The following ATRNL1 variants were observed in gnomAD, a reference collection of about 807,000 sequenced individuals.
ATRNL1 encodes attractin-like protein 1.
In ATRNL1, 95 loss-of-function variants were observed where a neutral mutation model predicts 182.7. The observed-to-expected ratio is 0.52, with a 90% CI of 0.44 to 0.62. The LOEUF is 0.62. ATRNL1 is among the 20% of genes least tolerant of loss of function. ATRNL1 has a pLI of 0.00. For synonymous variants in ATRNL1, 576 were observed against 568.3 expected (o/e 1.01, Z -0.19); for missense variants, 1,471 against 1,679.5 (o/e 0.88, Z 2.17).
At chr10:115,854,400 G>A (rs150645881) in intron 28 of ATRNL1, among the ~76,000 whole-genome samples, 49 of 152,214 alleles carry the variant, frequency 3.2e-4, no homozygotes, top group African/African-American at 7.2e-4. Context: ...ACTTAGTGGC[G>A]ATGGCTATAG....
chr10:115,791,063 T>C (rs1283050158), intron 27 of ATRNL1, among the ~76,000 whole-genome samples: 1 of 152,196 alleles, frequency 6.6e-6, no homozygotes, highest in Non-Finnish European at 1.5e-5. Context: ...GAATATATTA[T>C]ACATGTTCCT....
intron 10 of ATRNL1, among the ~76,000 whole-genome samples, chr10:115,263,075 T>C (rs1851458885): frequency 6.6e-6 from 1 of 151,984 alleles, no homozygotes; most frequent in East Asian, 1.9e-4. Context: ...GAAAAAAATC[T>C]TTAAAAAGGC....
At chr10:115,256,702 C>A (rs1209867601) in intron 10 of ATRNL1, among the ~76,000 whole-genome samples, 3 of 152,144 alleles carry the variant, frequency 2.0e-5, no homozygotes, top group East Asian at 3.9e-4. Context: ...TTTGCTCTTG[C>A]TTCTCTAGTT....
At chr10:115,508,186 T>A (rs1370151344) in intron 24 of ATRNL1, among the ~76,000 whole-genome samples, 1 of 152,070 alleles carries the variant, frequency 6.6e-6, no homozygotes, top group East Asian at 1.9e-4. Flanking sequence ...ATGTTACTTT[T>A]GTAATTGTTT....
chr10:115,222,644 G>A (rs1310579928), intron 9 of ATRNL1, among the ~76,000 whole-genome samples: 1 of 152,104 alleles, frequency 6.6e-6, no homozygotes, highest in Non-Finnish European at 1.5e-5. Flanking sequence ...CAGAATACAT[G>A]TTTTCAAATA....
intron 10 of ATRNL1, among the ~76,000 whole-genome samples, chr10:115,245,981 T>A (rs1333110108): frequency 2.0e-5 from 3 of 152,212 alleles, no homozygotes; most frequent in Non-Finnish European, 4.4e-5. Flanking sequence ...CAAGGTGTTC[T>A]CTTTCTTTTT....
At chr10:115,425,622 T>G (rs1390883875) in intron 20 of ATRNL1, among the ~76,000 whole-genome samples, 1 of 152,060 alleles carries the variant, frequency 6.6e-6, no homozygotes, top group Non-Finnish European at 1.5e-5. Flanking sequence ...TGCGCATATG[T>G]TCTTTCACTT....
intron 26 of ATRNL1, among the ~76,000 whole-genome samples, chr10:115,602,877 C>T (rs1253548967): frequency 6.6e-6 from 1 of 151,100 alleles, no homozygotes; most frequent in Non-Finnish European, 1.5e-5. Context: ...ACATTGCAAT[C>T]ACAAGTCCAG....
Position 115,860,787 on chromosome 10 carries a change from C to G in ATRNL1, c.4018+12796C>G, listed in dbSNP as rs550349629. 7.3e-4 allele frequency among the ~76,000 whole-genome samples: 111 copies of G among 152,252 alleles called. 1 individual carries two copies. The highest frequency in any genetic ancestry group is 2.7e-3 in the South Asian group (13 of 4,828). On this transcript the variant is annotated intron_variant, in intron 28 of 28. Coordinates refer to ENST00000355044, the MANE Select transcript of ATRNL1 (RefSeq NM_207303.4). Reference sequence around the variant, plus strand: ...TAACAGTCTTCACTGCAATTTGATTCCATTTTCTTTTGTTCTCTTTCTTCT... The same window carrying G: ...TAACAGTCTTCACTGCAATTTGATTGCATTTTCTTTTGTTCTCTTTCTTCT...
At chr10:115,728,244 G>A (rs1451440362) in intron 27 of ATRNL1, among the ~76,000 whole-genome samples, 4 of 134,500 alleles carry the variant, frequency 3.0e-5, no homozygotes, top group African/African-American at 8.5e-5. Context: ...GCAGTGAGCC[G>A]AGATCCTGCC....
chr10:115,747,712 C>T (rs2907535), intron 27 of ATRNL1, among the ~76,000 whole-genome samples: 144,498 of 152,048 alleles, frequency 0.95, 69,076 homozygotes, highest in East Asian at 1. Flanking sequence ...GTTATTCCAT[C>T]TGGACTGCTA....
At chr10:115,177,912 G>GTTTTTTTTTTTGTTTTTTTTT (rs1847589152) in intron 8 of ATRNL1, among the ~76,000 whole-genome samples, 4 of 71,058 alleles carry the variant, frequency 5.6e-5, no homozygotes, top group East Asian at 4.3e-4. Context: ...TGTTTTTTTT[G>GTTTTTTTTTTTGTTTTTTTTT]TTTTTTTTTT....
At chr10:115,101,695 A>G (rs1277744842) in intron 1 of ATRNL1, among the ~76,000 whole-genome samples, 2 of 152,170 alleles carry the variant, frequency 1.3e-5, no homozygotes, top group Non-Finnish European at 2.9e-5. Context: ...GTGACAAGAT[A>G]ATGCTGGCCT....
intron 27 of ATRNL1, 146 bp from the exon 28 acceptor site, chr10:115,847,731 G>A (rs1158668736): frequency 1.7e-6 from 1 of 604,898 alleles, no homozygotes. Flanking sequence ...TCCATAGTGT[G>A]CAAGGAGCTA....
chr10:115,911,538 C>G (rs1455458292), intron 28 of ATRNL1, among the ~76,000 whole-genome samples: 1 of 152,036 alleles, frequency 6.6e-6, no homozygotes, highest in Admixed American at 6.6e-5. Flanking sequence ...AGGCTGGTCC[C>G]GAACTCCTCA....
chr10:115,683,123 TTAATA>T (rs1282031869), intron 26 of ATRNL1, among the ~76,000 whole-genome samples: 3 of 152,110 alleles, frequency 2.0e-5, no homozygotes, highest in Admixed American at 6.6e-5. Context: ...AGTTTTTAAT[TTAATA>T]TATGTTTATA....
chr10:115,140,529 T>C (rs559068291), intron 5 of ATRNL1, among the ~76,000 whole-genome samples: 1 of 152,144 alleles, frequency 6.6e-6, no homozygotes, highest in Non-Finnish European at 1.5e-5. Context: ...TACAACAGAT[T>C]TTTTTTCCTA....
At chr10:115,236,375 G>T (rs920068028) in intron 9 of ATRNL1, among the ~76,000 whole-genome samples, 3 of 152,148 alleles carry the variant, frequency 2.0e-5, no homozygotes, top group Non-Finnish European at 4.4e-5. Flanking sequence ...GCATTACAGG[G>T]ATCATTTTTG....
At chr10:115,390,935 C>G (rs1843985607) in intron 19 of ATRNL1, among the ~76,000 whole-genome samples, 1 of 151,916 alleles carries the variant, frequency 6.6e-6, no homozygotes, top group Non-Finnish European at 1.5e-5. Context: ...GTCTTAATTT[C>G]TTTTTCAGTT....
Sources: allele counts gnomAD v4.1 joint callset (sites outside exome capture counted in the v4.1 genomes callset), GRCh38; gene constraint gnomAD v4.1.1; transcripts MANE v1.5; gene names NCBI Gene and HGNC (gene_info 2026-07-23, HGNC 2026-07-21).